The following TJP1 variants were observed in gnomAD, a reference collection of about 807,000 sequenced individuals.
The protein encoded by TJP1 is tight junction protein 1.
TJP1 carries 43 observed loss-of-function variants against 194.2 expected under a neutral mutation model. The ratio of observed to expected loss-of-function variants is 0.22; its 90% CI spans 0.17 to 0.29. TJP1 has a LOEUF of 0.29. Among genes scored for constraint, TJP1 ranks in the 10% least tolerant of loss-of-function variants. TJP1 has a pLI of 1.00. For synonymous variants in TJP1, 801 were observed against 779.0 expected (o/e 1.03, Z -0.47); for missense variants, 1,971 against 2,185.7 (o/e 0.90, Z 1.96).
intron 2 of TJP1, among the ~76,000 whole-genome samples, chr15:29,799,608 G>A (rs1012331550): frequency 6.6e-6 from 1 of 151,882 alleles, no homozygotes; most frequent in Non-Finnish European, 1.5e-5. Context: ...GTACAGACAG[G>A]GTTTCACCAT....
At chr15:29,957,336 G>A (rs2055985485) in intron 1 of TJP1, among the ~76,000 whole-genome samples, 1 of 152,084 alleles carries the variant, frequency 6.6e-6, no homozygotes, top group African/African-American at 2.4e-5. Context: ...AACATTTGAA[G>A]GGTATAAAAA....
At chr15:29,734,492 T>TA (rs1341567091) in intron 11 of TJP1, 110 bp from the exon 12 acceptor site, 2 of 825,286 alleles carry the variant, frequency 2.4e-6, no homozygotes, top group Non-Finnish European at 1.8e-6. Context: ...TCACATCTTT[T>TA]TTTTTTTTTG....
chr15:29,907,912 T>A lies in TJP1; in HGVS notation c.306+48320A>T, dbSNP rs532998846. Among the ~76,000 whole-genome samples, 5 of 151,870 alleles carry A rather than the reference T, an allele frequency of 3.3e-5. No individual in the cohort carries two copies. The South Asian group carries it at 1.0e-3, about 32-fold the overall frequency. ...GAATTTTCAACCACAAGTTCTTCCATTCCTCTTATCATTTTCTGCTCTTTA... is the reference window on the plus strand; with the variant it reads ...GAATTTTCAACCACAAGTTCTTCCAATCCTCTTATCATTTTCTGCTCTTTA... On this transcript the variant is annotated intron_variant, in intron 2 of 28. Transcript: ENST00000356107.
chr15:29,758,064 T>A (rs903075778), intron 8 of TJP1, among the ~76,000 whole-genome samples: 1 of 152,368 alleles, frequency 6.6e-6, no homozygotes, highest in South Asian at 2.1e-4. Context: ...ATTAACACTT[T>A]CTTTTCTTTA....
intron 2 of TJP1, among the ~76,000 whole-genome samples, chr15:29,949,428 C>A (rs2055467552): frequency 6.9e-6 from 1 of 145,824 alleles, no homozygotes; most frequent in African/African-American, 2.5e-5. Flanking sequence ...ACCTCCACAA[C>A]CACCACCTCC....
intron 2 of TJP1, 119 bp from the exon 3 acceptor site, chr15:29,773,476 A>AGG (rs2046819966): frequency 1.1e-6 from 1 of 944,350 alleles, no homozygotes; most frequent in Admixed American, 2.4e-5. Context: ...TCTGTGATCC[A>AGG]TAAACACTCA....
At chr15:29,845,057 T>C (rs1460808388) in intron 2 of TJP1, among the ~76,000 whole-genome samples, 1 of 152,166 alleles carries the variant, frequency 6.6e-6, no homozygotes, top group East Asian at 1.9e-4. Flanking sequence ...TCAAATGCTA[T>C]TGTTAGGCTA....
rs917437680 is a variant in TJP1 at position 29,956,497 on chromosome 15, C to A, written c.174-133G>T. The A allele has an allele frequency of 4.2e-6, 3 of 712,422 alleles. No individual in the cohort carries two copies. The Admixed American group carries it at 1.1e-4, about 26-fold the overall frequency. 44.1% of individuals were successfully genotyped at this position (712,422 alleles called of 1,614,324 possible). A position where few individuals can be genotyped will look rare whatever the true frequency, so the allele number is the denominator to read the frequency against. ...TTTTTCCAGCCAAAAAGCTAAGAACCACAGCAGAGCTACATTCTATCAGAT... is the reference window on the plus strand; with the variant it reads ...TTTTTCCAGCCAAAAAGCTAAGAACAACAGCAGAGCTACATTCTATCAGAT... On this transcript the variant is annotated intron_variant, in intron 1 of 28. Transcript: ENST00000356107.
intron 2 of TJP1, among the ~76,000 whole-genome samples, chr15:29,799,471 G>C (rs1278984285): frequency 1.3e-5 from 2 of 151,288 alleles, no homozygotes; most frequent in Non-Finnish European, 2.9e-5. Context: ...CTGGAGTGCA[G>C]TGGCATGATC....
intron 2 of TJP1, among the ~76,000 whole-genome samples, chr15:29,949,153 CACTACT>C (rs369731565): frequency 2.0e-5 from 3 of 147,930 alleles, no homozygotes; most frequent in South Asian, 2.2e-4. Flanking sequence ...TCACCACCTC[CACTACT>C]ACCTCCACCA....
intron 2 of TJP1, among the ~76,000 whole-genome samples, chr15:29,930,817 A>C (rs1419944516): frequency 2.0e-5 from 3 of 152,256 alleles, no homozygotes; most frequent in Non-Finnish European, 4.4e-5. Flanking sequence ...AAGTCTACAC[A>C]GAATAACTAA....
chr15:29,735,990 T>A (rs1201323936), intron 11 of TJP1, among the ~76,000 whole-genome samples: 2 of 152,052 alleles, frequency 1.3e-5, no homozygotes, highest in Non-Finnish European at 2.9e-5. Context: ...AGCAGAGAGT[T>A]ACCAACATTC....
intron 2 of TJP1, among the ~76,000 whole-genome samples, chr15:29,949,709 TCCATCACCTCCACCG>T (rs1320169693): frequency 4.3e-4 from 22 of 51,244 alleles, no homozygotes; most frequent in Non-Finnish European, 5.8e-4. Context: ...CACCACCACC[TCCATCACCTCCACCG>T]CCATCACCTC....
At chr15:29,746,105 G>A (rs575091910) in intron 8 of TJP1, among the ~76,000 whole-genome samples, 13 of 152,336 alleles carry the variant, frequency 8.5e-5, no homozygotes, top group African/African-American at 2.2e-4. Context: ...ACGGCTGGGC[G>A]CAGTGGCTCA....
upstream of TJP1, chr15:29,968,985 C>G (rs1178147382): frequency 6.7e-6 from 1 of 148,198 alleles, no homozygotes; most frequent in African/African-American, 2.5e-5. Flanking sequence ...CCGCCGCCGC[C>G]GTGCGTGGCC....
At chr15:29,913,582 A>G (rs2054090186) in intron 2 of TJP1, among the ~76,000 whole-genome samples, 1 of 152,220 alleles carries the variant, frequency 6.6e-6, no homozygotes, top group Admixed American at 6.5e-5. Flanking sequence ...ATCAAGATGC[A>G]GCAGGAGTTA....
chr15:29,827,158 G>A (rs532452597), upstream of TJP1, among the ~76,000 whole-genome samples: 1 of 152,328 alleles, frequency 6.6e-6, no homozygotes, highest in South Asian at 2.1e-4. Flanking sequence ...GCAATCTCTT[G>A]GTGAGGGTGA....
Position 29,708,982 on chromosome 15 carries a change from G to C in TJP1, c.4427C>G (p.Pro1476Arg), listed in dbSNP as rs949969677. The change falls in exon 25 of 28, where the codon CCT (proline) becomes CGT (arginine). Residue 1476 changes from proline (P) to arginine (R), a missense_variant. Physicochemically the swap from Pro to Arg is moderately radical, Grantham distance 103. Transcript: ENST00000614355. ...AGTTGCTGGCTTATTCTGAGATGGA[G>C]GTGGGTCTGGTTTGGACACTAAGGA... ...QNSLVSKPDP[P>R]PSQNKPATFR... is the part of the protein sequence containing the mutation. The C allele has an allele frequency of 4.3e-6, 7 of 1,614,044 alleles. No individual in the cohort carries two copies. The highest frequency in any genetic ancestry group is 4.0e-5 in the African/African-American group (3 of 74,906).
At chr15:29,718,189 T>C (rs2042688108) in intron 21 of TJP1, 71 bp from the exon 22 acceptor site, 43 of 1,586,786 alleles carry the variant, frequency 2.7e-5, no homozygotes, top group Non-Finnish European at 3.5e-5. Context: ...ATAGATATCA[T>C]GTAATGGCGG....
Sources: allele counts gnomAD v4.1 joint callset (sites outside exome capture counted in the v4.1 genomes callset), GRCh38; gene constraint gnomAD v4.1.1; transcripts MANE v1.5; gene names NCBI Gene and HGNC (gene_info 2026-07-23, HGNC 2026-07-21).